PHAX: variants seen among roughly 807,000 people sequenced by gnomAD.
The protein encoded by PHAX is phosphorylated adapter RNA export protein.
A neutral mutation model predicts 41.6 loss-of-function variants in PHAX; 31 were observed. That is an observed-to-expected ratio of 0.75 (90% CI 0.56 to 1.01). The LOEUF (loss-of-function observed/expected upper bound fraction) is 1.01, where lower values mean the gene tolerates loss of function less well. PHAX is among the 50% of genes least tolerant of loss of function. The pLI is 0.00. For missense variants in PHAX, 453 were observed against 472.9 expected, an observed-to-expected ratio of 0.96 and a Z score of 0.39; for synonymous variants, 175 against 164.9, an observed-to-expected ratio of 1.06 and a Z score of -0.47.
chr5:126,614,167 C>T (rs1752149400), intron 3 of PHAX, among the ~76,000 whole-genome samples: 1 of 152,154 alleles, frequency 6.6e-6, no homozygotes, highest in African/African-American at 2.4e-5. Context: ...GTTGCCATCT[C>T]AGCTCACTGC....
At chr5:126,622,733 T>G (rs1315309960) in intron 4 of PHAX, among the ~76,000 whole-genome samples, 2 of 152,210 alleles carry the variant, frequency 1.3e-5, no homozygotes, top group Non-Finnish European at 2.9e-5. Flanking sequence ...ATGAAAATGC[T>G]TCTACTGTGG....
rs546910919 is a variant in PHAX, at chr5:126,609,472, A to G, written c.831+988A>G. On this transcript the variant is annotated intron_variant, in intron 3 of 4. Coordinates refer to ENST00000297540, the MANE Select transcript of PHAX (RefSeq NM_032177.4). ...CTCAGATCTTGAGAATATGGGTTTTAGAGTTTGGGTACCCTTTTTTACTTC... is the reference window on the plus strand; with the variant it reads ...CTCAGATCTTGAGAATATGGGTTTTGGAGTTTGGGTACCCTTTTTTACTTC... Among the ~76,000 whole-genome samples, 3 of 152,206 alleles carry G rather than the reference A, an allele frequency of 2.0e-5. No individual in the cohort carries two copies. The South Asian group carries it at 6.2e-4, about 32-fold the overall frequency.
rs563470873 is a variant in PHAX, at chr5:126,626,320, G to T, written c.*1476G>T. ...TATTTAAAATGTTACATATGCCGGCGCAGTGGCTCATGTGTGTAATCCCAG... is the reference window on the plus strand; with the variant it reads ...TATTTAAAATGTTACATATGCCGGCTCAGTGGCTCATGTGTGTAATCCCAG... On this transcript the variant is annotated 3_prime_UTR_variant, in exon 5 of 5. Transcript: ENST00000297540. The T allele has an allele frequency of 6.6e-6, 1 of 152,196 alleles. No homozygotes were observed. Among genetic ancestry groups the T allele is most frequent in the Non-Finnish European group, 1.5e-5 (1 of 68,050 alleles). 9.4% of individuals were successfully genotyped at this position (152,196 alleles called of 1,614,324 possible). A position where few individuals can be genotyped will look rare whatever the true frequency, so the allele number is the denominator to read the frequency against.
At chr5:126,618,868 A>G (rs1205839571) in intron 4 of PHAX, among the ~76,000 whole-genome samples, 3 of 152,080 alleles carry the variant, frequency 2.0e-5, no homozygotes, top group African/African-American at 4.8e-5. Flanking sequence ...CATGTTAACC[A>G]GGATGGTCTC....
At chr5:126,617,884 A>G (rs1752212839) in intron 4 of PHAX, among the ~76,000 whole-genome samples, 1 of 152,044 alleles carries the variant, frequency 6.6e-6, no homozygotes, top group Non-Finnish European at 1.5e-5. Context: ...AAAGTGCTGC[A>G]ATTACAGGCA....
chr5:126,602,499 C>T (rs886693125), intron 1 of PHAX, among the ~76,000 whole-genome samples: 1 of 152,218 alleles, frequency 6.6e-6, no homozygotes, highest in Non-Finnish European at 1.5e-5. Context: ...AGTGTTATCT[C>T]TGATTATTAT....
intron 2 of PHAX, 110 bp downstream of exon 2, chr5:126,604,293 T>TTTTTTTTTTTG (rs1751956282): frequency 1.0e-6 from 1 of 965,722 alleles, no homozygotes; most frequent in Non-Finnish European, 1.5e-6. Context: ...TTTTTTTTTT[T>TTTTTTTTTTTG]GGAGACAGGG....
At chr5:126,608,265 G>A in intron 2 of PHAX, 99 bp from the exon 3 acceptor site, 1 of 1,385,746 alleles carries the variant, frequency 7.2e-7, no homozygotes, top group South Asian at 1.5e-5. Context: ...AAAACCAAAA[G>A]TTACTAGAAT....
At chr5:126,607,029 A>G (rs1752000702) in intron 2 of PHAX, among the ~76,000 whole-genome samples, 1 of 152,182 alleles carries the variant, frequency 6.6e-6, no homozygotes, top group Non-Finnish European at 1.5e-5. Flanking sequence ...CAATTCATGT[A>G]TTTTTACCAA....
intron 3 of PHAX, among the ~76,000 whole-genome samples, chr5:126,615,787 A>G (rs987185660): frequency 6.6e-6 from 1 of 152,164 alleles, no homozygotes; most frequent in Non-Finnish European, 1.5e-5. Flanking sequence ...AGTGTTGTCT[A>G]TCAGAGGCTT....
At chr5:126,623,074 C>T (rs933422374) in intron 4 of PHAX, among the ~76,000 whole-genome samples, 3 of 151,216 alleles carry the variant, frequency 2.0e-5, no homozygotes, top group East Asian at 1.9e-4. Flanking sequence ...TGCAGTGAGC[C>T]GAGATCAGAC....
At chr5:126,610,635 A>C (rs1452986157) in intron 3 of PHAX, among the ~76,000 whole-genome samples, 1 of 152,218 alleles carries the variant, frequency 6.6e-6, no homozygotes, top group Non-Finnish European at 1.5e-5. Flanking sequence ...TGTAGTGATA[A>C]AACTTTATAT....
intron 1 of PHAX, among the ~76,000 whole-genome samples, chr5:126,603,179 A>G (rs1047765605): frequency 2.0e-5 from 3 of 151,892 alleles, no homozygotes; most frequent in African/African-American, 7.3e-5. Flanking sequence ...GTGGTGAGCC[A>G]TGATAGCTCC....
rs1212553377 is a variant in PHAX, at chr5:126,625,303, A to G, written c.*459A>G. Reference sequence around the variant, plus strand: ...AAGAACTCAGGCAATTTTAAGGATAAAAACTAACATTGGCCAGGCACGGTG... The same window carrying G: ...AAGAACTCAGGCAATTTTAAGGATAGAAACTAACATTGGCCAGGCACGGTG... On this transcript the variant is annotated 3_prime_UTR_variant, in exon 5 of 5. Transcript: ENST00000297540. The G allele has an allele frequency of 6.4e-6, 1 of 155,156 alleles. No homozygotes were observed. Among genetic ancestry groups the G allele is most frequent in the Non-Finnish European group, 1.4e-5 (1 of 69,988 alleles). The allele number at this position is 155,156 out of a possible 1,614,324, so 9.6% of individuals were successfully genotyped here.
In PHAX at chr5:126,617,296, TGA is replaced by T. The variant is rs1174487120; in HGVS notation, c.879_880del (p.Asn295HisfsTer3). ...CCAGGTGGAGTTTTTCTGAATCTCT[TGA>T]AAAACACTCCTAGTATCAGCGAGGA... is the stretch of plus-strand genomic sequence containing the variant. On this transcript the variant is annotated frameshift_variant, in exon 4 of 5. Coordinates refer to ENST00000297540, the MANE Select transcript of PHAX (RefSeq NM_032177.4). LOFTEE classifies it high-confidence loss of function. The T allele has an allele frequency of 1.2e-6, 2 of 1,610,890 alleles. No individual in the cohort carries two copies.
intron 4 of PHAX, among the ~76,000 whole-genome samples, chr5:126,621,274 A>T (rs1432246332): frequency 6.6e-6 from 1 of 152,088 alleles, no homozygotes; most frequent in Non-Finnish European, 1.5e-5. Context: ...CTGTAGCCTC[A>T]AACTCCAGGG....
At chr5:126,622,130 T>TTTCG (rs1752281804) in intron 4 of PHAX, among the ~76,000 whole-genome samples, 1 of 151,622 alleles carries the variant, frequency 6.6e-6, no homozygotes, top group South Asian at 2.1e-4. Context: ...ATTTTTGTGT[T>TTTCG]TTTGTTTGTT....
intron 4 of PHAX, among the ~76,000 whole-genome samples, chr5:126,619,054 G>T (rs1350744698): frequency 2.0e-5 from 3 of 152,080 alleles, no homozygotes; most frequent in Non-Finnish European, 4.4e-5. Context: ...AGCCTCCCAA[G>T]TAGCTGGGAC....
intron 3 of PHAX, among the ~76,000 whole-genome samples, chr5:126,609,739 TTTTG>T (rs903982218): frequency 4.6e-5 from 7 of 151,914 alleles, no homozygotes; most frequent in African/African-American, 1.4e-4. Flanking sequence ...ACACCCTTTT[TTTTG>T]TTTGTTTGTT....
Sources: allele counts gnomAD v4.1 joint callset (sites outside exome capture counted in the v4.1 genomes callset), GRCh38; gene constraint gnomAD v4.1.1; transcripts MANE v1.5; gene names NCBI Gene and HGNC (gene_info 2026-07-23, HGNC 2026-07-21).